SH2D6: variants seen among roughly 807,000 people sequenced by gnomAD.
The protein encoded by SH2D6 is SH2 domain-containing protein 6.
Under a neutral mutation model 30.2 loss-of-function variants are expected in SH2D6, and 31 were observed. The observed-to-expected ratio is 1.03, with a 90% CI of 0.77 to 1.38. SH2D6 has a LOEUF of 1.38. SH2D6 is among the 40% of genes most tolerant of loss of function. SH2D6 has a pLI of 0.00. For missense variants in SH2D6, 240 were observed against 266.8 expected (o/e 0.90, Z 0.70); for synonymous variants, 93 against 104.6 (o/e 0.89, Z 0.68).
chr2:85,419,677 T>C (rs1243920867), intron 2 of SH2D6, among the ~76,000 whole-genome samples: 3 of 152,248 alleles, frequency 2.0e-5, no homozygotes, highest in Admixed American at 6.5e-5. Context: ...TACTGCTACA[T>C]ACTGGATCAT....
intron 15 of SH2D6, among the ~76,000 whole-genome samples, 164 bp from the exon 16 acceptor site, chr2:85,433,407 T>G (rs11903813): frequency 1.3e-5 from 2 of 152,064 alleles, no homozygotes; most frequent in African/African-American, 4.8e-5. Context: ...GAGGAGAAAT[T>G]GTAATCATTC....
Position 85,425,355 on chromosome 2 carries a change from T to C in SH2D6, c.-261T>C, listed in dbSNP as rs1687955325. The C allele has an allele frequency of 6.8e-6, 1 of 147,804 alleles. No individual in the cohort carries two copies. The highest frequency in any genetic ancestry group is 2.5e-5 in the African/African-American group (1 of 40,100). 9.2% of individuals were successfully genotyped at this position (147,804 alleles called of 1,614,324 possible). A position where few individuals can be genotyped will look rare whatever the true frequency, so the allele number is the denominator to read the frequency against. ...TCGGCTCACAGCAACCTCCGCCTCC[T>C]GGGTTCAAGCTATTCTCCTGCCTCA... On this transcript the variant is annotated 5_prime_UTR_variant, in exon 6 of 24. Coordinates refer to ENST00000469800, the MANE Select transcript of SH2D6 (RefSeq NM_001394463.1).
intron 14 of SH2D6, 178 bp from the exon 15 acceptor site, chr2:85,432,921 G>A (rs1688925203): frequency 7.4e-6 from 2 of 268,960 alleles, no homozygotes; most frequent in Non-Finnish European, 1.1e-5. Context: ...ACACCATAGG[G>A]CTGTGCAGAG....
intron 23 of SH2D6, 88 bp downstream of exon 23, chr2:85,436,682 T>G: frequency 1.0e-6 from 1 of 972,694 alleles, no homozygotes; most frequent in Non-Finnish European, 1.6e-6. Context: ...CTCCTCACCC[T>G]AGCCTTTCCC....
At chr2:85,428,259 C>T (rs1263050125) in intron 6 of SH2D6, among the ~76,000 whole-genome samples, 1 of 152,154 alleles carries the variant, frequency 6.6e-6, no homozygotes, top group African/African-American at 2.4e-5. Context: ...GGTCCAGACC[C>T]AATCCTGGTG....
At chr2:85,432,050 C>T (rs1469091929) in intron 14 of SH2D6, 91 bp downstream of exon 14, 1 of 152,680 alleles carries the variant, frequency 6.5e-6, no homozygotes, top group Non-Finnish European at 1.5e-5. Flanking sequence ...TGACATGGGT[C>T]TCATACTCTG....
In SH2D6 at chr2:85,430,917, G is replaced by T. The variant is rs1203463111; in HGVS notation, c.250+265G>T. ...TGGTGTAACCAAGGCAACAGCAGGG[G>T]CCTGGCATTCCCCTTCTGAGATCCC... On this transcript the variant is annotated intron_variant, in intron 12 of 23. Transcript: ENST00000469800. The surrounding 1 kb of genome is among the most constrained non-coding windows in gnomAD (Gnocchi z 4.3). 6.6e-6 allele frequency among the ~76,000 whole-genome samples: 1 copy of T among 152,144 alleles called. No individual in the cohort carries two copies. Among genetic ancestry groups the T allele is most frequent in the Non-Finnish European group, 1.5e-5 (1 of 68,012 alleles).
chr2:85,424,599 A>C (rs1687902274), intron 5 of SH2D6, among the ~76,000 whole-genome samples: 1 of 152,034 alleles, frequency 6.6e-6, no homozygotes, highest in African/African-American at 2.4e-5. Context: ...AAAATGTTTA[A>C]AAATTAGCTG....
chr2:85,433,993 T>C (rs1689082136), intron 16 of SH2D6, 40 bp from the exon 17 acceptor site: 3 of 1,513,962 alleles, frequency 2.0e-6, no homozygotes, highest in Admixed American at 3.9e-5. Flanking sequence ...ATTCCCTGCC[T>C]GGTGCTCAGC....
chr2:85,435,491 C>A lies in SH2D6; in HGVS notation c.727C>A (p.Gln243Lys). Reference sequence around the variant, plus strand: ...TGTTGAGAGTGCCCTGCTCCACTTACAAAAGGTGGGCAGCCACGGACCCCG... The same window carrying A: ...TGTTGAGAGTGCCCTGCTCCACTTAAAAAAGGTGGGCAGCCACGGACCCCG... ...YAVESALLHLQKDGAYTVRPS... is the reference protein window; with the variant it reads ...YAVESALLHLKKDGAYTVRPS... The change falls in exon 21 of 24, where the codon CAA (glutamine) becomes AAA (lysine). Residue 243 changes from glutamine (Q) to lysine (K), a missense_variant. Coordinates refer to ENST00000469800, the MANE Select transcript of SH2D6 (RefSeq NM_001394463.1). The A allele has an allele frequency of 6.2e-7, 1 of 1,613,492 alleles. No individual in the cohort carries two copies. Among genetic ancestry groups the A allele is most frequent in the South Asian group, 1.1e-5 (1 of 91,064 alleles).
intron 2 of SH2D6, chr2:85,421,389 C>T (rs770245305): frequency 6.6e-6 from 1 of 152,146 alleles, no homozygotes; most frequent in Non-Finnish European, 1.5e-5. Flanking sequence ...AGCCTAGGCC[C>T]GGTAGTCGAA....
chr2:85,426,443 G>A (rs1329460572), intron 6 of SH2D6, among the ~76,000 whole-genome samples: 6 of 152,090 alleles, frequency 3.9e-5, no homozygotes, highest in African/African-American at 9.7e-5. Context: ...GCCTAAGGCC[G>A]TACTCTAATC....
At position 85,433,648 on chromosome 2, in the gene SH2D6, G is replaced by C. The variant is rs961875472; in HGVS notation, c.454+17G>C. On this transcript the variant is annotated intron_variant, in intron 16 of 23. Transcript: ENST00000469800. The stretch of plus-strand genomic sequence containing the variant: ...CGGATCCAGGTGAGCCCCTCCCTCA[G>C]CTCCAGACCCCTCCTGCCCGAGGCC... The C allele has an allele frequency of 1.9e-6, 2 of 1,039,860 alleles. No individual in the cohort carries two copies. The highest frequency in any genetic ancestry group is 1.2e-6 in the Non-Finnish European group (1 of 863,138). The allele number at this position is 1,039,860 out of a possible 1,614,324, so 64.4% of individuals were successfully genotyped here.
At chr2:85,428,229 AT>A (rs1431119305) in intron 6 of SH2D6, among the ~76,000 whole-genome samples, 2 of 152,214 alleles carry the variant, frequency 1.3e-5, no homozygotes, top group African/African-American at 4.8e-5. Flanking sequence ...AGCACTGCTA[AT>A]TCCATCGTAG....
At chr2:85,434,550 G>A in intron 19 of SH2D6, 53 bp downstream of exon 19, 1 of 1,531,510 alleles carries the variant, frequency 6.5e-7, no homozygotes, top group Non-Finnish European at 8.8e-7. Flanking sequence ...ATTGTTCACA[G>A]TCAGTTACAG....
chr2:85,429,024 C>T (rs541655296), intron 7 of SH2D6, among the ~76,000 whole-genome samples: 2 of 152,358 alleles, frequency 1.3e-5, no homozygotes, highest in South Asian at 4.1e-4. Flanking sequence ...CTTCCCTCGC[C>T]TTCATCTCCT....
rs1476736134 is a variant in SH2D6 at position 85,435,717 on chromosome 2, T to G, written c.784T>G (p.Phe262Val). 4 of 1,613,248 alleles carry G rather than the reference T, an allele frequency of 2.5e-6. No homozygotes were observed. Among genetic ancestry groups the G allele is most frequent in the Non-Finnish European group, 3.4e-6 (4 of 1,179,864 alleles). Residue 262 changes from phenylalanine (F) to valine (V), a missense_variant, in exon 22 of 24, where the codon TTC becomes GTC. Coordinates refer to ENST00000469800, the MANE Select transcript of SH2D6 (RefSeq NM_001394463.1). ...CTCAGGGCCTCATGGCTCCCAGCCCTTCACCCTGGCAGTGCTTCTCCGAGG... is the reference window on the plus strand; with the variant it reads ...CTCAGGGCCTCATGGCTCCCAGCCCGTCACCCTGGCAGTGCTTCTCCGAGG... ...PSSGPHGSQP[F>V]TLAVLLRGRV...
intron 13 of SH2D6, among the ~76,000 whole-genome samples, 170 bp downstream of exon 13, chr2:85,431,438 G>T (rs371195984): frequency 2.0e-5 from 3 of 152,146 alleles, no homozygotes; most frequent in Non-Finnish European, 1.5e-5. Flanking sequence ...GAGCCCTGCC[G>T]CTGTCAGTCA....
At chr2:85,435,264 C>A in intron 20 of SH2D6, 141 bp downstream of exon 20, 1 of 1,255,438 alleles carries the variant, frequency 8.0e-7, no homozygotes, top group Non-Finnish European at 1.1e-6. Flanking sequence ...CCCGCCGTGC[C>A]CCAGACAGGG....
Sources: gnomAD v4.1 joint callset for allele counts (sites outside exome capture counted in the v4.1 genomes callset) on GRCh38, gnomAD v4.1.1 for gene constraint, Gnocchi (gnomAD v3.1) non-coding constraint, MANE v1.5 for transcripts, NCBI Gene and HGNC (gene_info 2026-07-23, HGNC 2026-07-21) for gene names.